Variants in FHIT observed in about 807,000 individuals in gnomAD.
FHIT encodes the protein bis(5'-adenosyl)-triphosphatase.
FHIT carries 19 observed loss-of-function variants against 17.9 expected under a neutral mutation model. The observed-to-expected ratio is 1.06, with a 90% CI of 0.74 to 1.56. FHIT has a LOEUF of 1.56. FHIT is among the 40% of genes most tolerant of loss of function. FHIT has a pLI of 0.00. For synonymous variants in FHIT, 81 were observed against 69.7 expected, an observed-to-expected ratio of 1.16 and a Z score of -0.81; for missense variants, 248 against 189.2, an observed-to-expected ratio of 1.31 and a Z score of -1.82.
intron 5 of FHIT, among the ~76,000 whole-genome samples, chr3:60,043,484 A>C (rs1433913581): frequency 6.6e-6 from 1 of 152,166 alleles, no homozygotes; most frequent in Non-Finnish European, 1.5e-5. Flanking sequence ...AGATGGAGAG[A>C]TTACATGTCT....
chr3:59,954,739 C>A (rs1020160052), intron 7 of FHIT, among the ~76,000 whole-genome samples: 1 of 152,090 alleles, frequency 6.6e-6, no homozygotes, highest in Admixed American at 6.6e-5. Context: ...TTCAGGGCTT[C>A]CTTTTAGAAA....
intron 4 of FHIT, among the ~76,000 whole-genome samples, chr3:60,572,988 T>C (rs782079672): frequency 2.0e-5 from 3 of 152,222 alleles, no homozygotes. Context: ...TTTCCATATT[T>C]CACTTGATAA....
chr3:59,955,542 G>A (rs1380573451), intron 7 of FHIT, among the ~76,000 whole-genome samples: 1 of 152,100 alleles, frequency 6.6e-6, no homozygotes, highest in South Asian at 2.1e-4. Context: ...TTCTCCGCTG[G>A]TTGTCAGACT....
chr3:60,825,907 C>G (rs1411246773), intron 3 of FHIT, among the ~76,000 whole-genome samples: 9 of 151,942 alleles, frequency 5.9e-5, no homozygotes, highest in African/African-American at 2.2e-4. Context: ...GGGGTACAGG[C>G]AGCAAAGAAA....
chr3:60,452,631 A>G (rs1005913325), intron 5 of FHIT, among the ~76,000 whole-genome samples: 2 of 152,196 alleles, frequency 1.3e-5, no homozygotes, highest in African/African-American at 4.8e-5. Flanking sequence ...GCTTGCTTGA[A>G]AAGTGCCTTC....
At chr3:59,965,379 C>T (rs1707878889) in intron 7 of FHIT, among the ~76,000 whole-genome samples, 1 of 152,146 alleles carries the variant, frequency 6.6e-6, no homozygotes, top group Non-Finnish European at 1.5e-5. Context: ...CACAGAACTA[C>T]ATAAATATCT....
At chr3:60,094,263 T>C (rs1363088066) in intron 5 of FHIT, among the ~76,000 whole-genome samples, 1 of 152,150 alleles carries the variant, frequency 6.6e-6, no homozygotes, top group Non-Finnish European at 1.5e-5. Context: ...TAGACACTTA[T>C]GAGAAATTAA....
At chr3:60,333,751 G>C (rs949184566) in intron 5 of FHIT, among the ~76,000 whole-genome samples, 2 of 152,072 alleles carry the variant, frequency 1.3e-5, no homozygotes, top group Non-Finnish European at 2.9e-5. Flanking sequence ...TAAAACATGA[G>C]AAAGTTATGT....
intron 2 of FHIT, among the ~76,000 whole-genome samples, chr3:61,146,807 G>A (rs1343407667): frequency 6.6e-6 from 1 of 151,924 alleles, no homozygotes; most frequent in East Asian, 1.9e-4. Flanking sequence ...TATTCACATG[G>A]ACATACATCA....
At chr3:61,145,453 G>C (rs561672628) in intron 2 of FHIT, among the ~76,000 whole-genome samples, 1 of 152,118 alleles carries the variant, frequency 6.6e-6, no homozygotes, top group East Asian at 1.9e-4. Flanking sequence ...GTAAGTGTGA[G>C]TCTTCAAACT....
intron 3 of FHIT, among the ~76,000 whole-genome samples, chr3:60,979,921 T>C (rs77702407): frequency 0.021 from 3,161 of 152,338 alleles, 113 homozygotes; most frequent in African/African-American, 0.072. Flanking sequence ...TATTGCCATG[T>C]TGTTGCTCCA....
At chr3:59,767,553 T>C (rs1701864736) in intron 8 of FHIT, among the ~76,000 whole-genome samples, 1 of 152,132 alleles carries the variant, frequency 6.6e-6, no homozygotes, top group Non-Finnish European at 1.5e-5. Context: ...CTCGGTCCAA[T>C]GTTGGGGAAA....
intron 1 of FHIT, among the ~76,000 whole-genome samples, chr3:61,245,256 T>C (rs1005501155): frequency 3.9e-5 from 6 of 152,282 alleles, no homozygotes; most frequent in Admixed American, 2.6e-4. Flanking sequence ...CACTGAAAAC[T>C]AAAAACATCC....
chr3:59,911,808 C>T (rs1431689620), intron 8 of FHIT, among the ~76,000 whole-genome samples: 1 of 152,140 alleles, frequency 6.6e-6, no homozygotes, highest in Non-Finnish European at 1.5e-5. Flanking sequence ...CCTGAGGATT[C>T]GGAGAACCAG....
chr3:60,597,789 C>G (rs928491942), intron 4 of FHIT, among the ~76,000 whole-genome samples: 4 of 152,078 alleles, frequency 2.6e-5, no homozygotes, highest in Non-Finnish European at 4.4e-5. Context: ...TATCTGAAAC[C>G]CTGTTTTAAA....
Position 59,800,499 on chromosome 3 carries a change from G to A in FHIT, c.349-48178C>T, listed in dbSNP as rs549131044. Among the ~76,000 whole-genome samples, 15 of 152,200 alleles carry A rather than the reference G, an allele frequency of 9.9e-5. No homozygotes were observed. The South Asian group carries it at 2.7e-3, about 27-fold the overall frequency. On this transcript the variant is annotated intron_variant, in intron 8 of 9. Coordinates refer to ENST00000492590, the MANE Select transcript of FHIT (RefSeq NM_002012.4). ...AAACAGGTTTCTCACCAAGTGGCCC[G>A]GGCTTTTACTCCTGGTTCAGAGAGT...
At chr3:61,217,700 C>T (rs1007533341) in intron 1 of FHIT, among the ~76,000 whole-genome samples, 3 of 152,092 alleles carry the variant, frequency 2.0e-5, no homozygotes, top group Admixed American at 6.6e-5. Flanking sequence ...GATGTGATCA[C>T]CTTTGGAAAA....
chr3:60,150,874 G>C (rs1184224589), intron 5 of FHIT, among the ~76,000 whole-genome samples: 1 of 151,480 alleles, frequency 6.6e-6, no homozygotes, highest in Non-Finnish European at 1.5e-5. Flanking sequence ...AGCCGAGATT[G>C]TGCCACTGCA....
intron 9 of FHIT, chr3:59,751,463 A>G: frequency 4.9e-6 from 1 of 204,890 alleles, no homozygotes; most frequent in Non-Finnish European, 1.0e-5. Context: ...CCAGCAGTCT[A>G]CTATGTGAAC....
Sources: allele counts gnomAD v4.1 joint callset (sites outside exome capture counted in the v4.1 genomes callset), GRCh38; gene constraint gnomAD v4.1.1; transcripts MANE v1.5; gene names NCBI Gene and HGNC (gene_info 2026-07-23, HGNC 2026-07-21).